The following MACROD1 variants were observed in gnomAD, a reference collection of about 807,000 sequenced individuals.
MACROD1 encodes the protein mono-ADP ribosylhydrolase 1.
In MACROD1, 31 loss-of-function variants were observed where a neutral mutation model predicts 41.4. The ratio of observed to expected loss-of-function variants is 0.75; its 90% CI spans 0.56 to 1.01. MACROD1 has a LOEUF of 1.01. Among genes scored for constraint, MACROD1 ranks in the 50% least tolerant of loss-of-function variants. The pLI is 0.00. For missense variants in MACROD1, 473 were observed against 460.0 expected, an observed-to-expected ratio of 1.03 and a Z score of -0.26; for synonymous variants, 252 against 203.4, an observed-to-expected ratio of 1.24 and a Z score of -2.03.
intron 8 of MACROD1, 111 bp downstream of exon 8, chr11:63,999,220 G>T: frequency 7.0e-7 from 1 of 1,419,482 alleles, no homozygotes; most frequent in Non-Finnish European, 9.6e-7. Flanking sequence ...AACAGGGAAG[G>T]AAGGGGCGGG....
chr11:64,051,425 T>C (rs1426785888), intron 3 of MACROD1, among the ~76,000 whole-genome samples: 2 of 152,154 alleles, frequency 1.3e-5, no homozygotes, highest in East Asian at 3.8e-4. Flanking sequence ...GTGACAGTGA[T>C]GGCGGACCCA....
At chr11:64,075,790 A>C (rs922012491) in intron 3 of MACROD1, among the ~76,000 whole-genome samples, 27 of 152,226 alleles carry the variant, frequency 1.8e-4, no homozygotes, top group Non-Finnish European at 2.9e-5. Flanking sequence ...CTCCTGCCTC[A>C]GCCTCCCAAG....
intron 3 of MACROD1, among the ~76,000 whole-genome samples, chr11:64,128,739 G>A (rs1204764747): frequency 6.6e-6 from 1 of 151,958 alleles, no homozygotes; most frequent in Non-Finnish European, 1.5e-5. Flanking sequence ...GGTTTCCCAC[G>A]CCTCTGCTGG....
intron 3 of MACROD1, among the ~76,000 whole-genome samples, chr11:64,086,024 T>C (rs951684594): frequency 2.2e-4 from 27 of 120,836 alleles, no homozygotes; most frequent in Admixed American, 8.4e-4. Flanking sequence ...AGGGTGGGGG[T>C]GGAGGTGGCC....
chr11:64,049,379 T>C (rs2134407924), intron 3 of MACROD1, among the ~76,000 whole-genome samples: 1 of 152,330 alleles, frequency 6.6e-6, no homozygotes, highest in African/African-American at 2.4e-5. Flanking sequence ...CGGCCAGTCC[T>C]GGGCAGGGAG....
intron 4 of MACROD1, among the ~76,000 whole-genome samples, chr11:64,012,152 G>A (rs577835538): frequency 2.0e-5 from 3 of 152,294 alleles, no homozygotes; most frequent in Non-Finnish European, 4.4e-5. Flanking sequence ...CATCAGTCAG[G>A]TTGTGTGAGA....
chr11:64,039,752 G>T (rs865825020), intron 3 of MACROD1, among the ~76,000 whole-genome samples: 18 of 152,322 alleles, frequency 1.2e-4, no homozygotes, highest in Middle Eastern at 6.8e-3. Flanking sequence ...CGCTCCCCGG[G>T]GCCAGCGGCT....
At chr11:64,118,202 C>T (rs1260594330) in intron 3 of MACROD1, 4 of 1,613,280 alleles carry the variant, frequency 2.5e-6, no homozygotes, top group Non-Finnish European at 2.5e-6. Flanking sequence ...ACGGCAGCAG[C>T]CTCTGCAAGG....
chr11:64,123,512 G>T (rs1409241285), intron 3 of MACROD1, among the ~76,000 whole-genome samples: 2 of 135,754 alleles, frequency 1.5e-5, no homozygotes, highest in East Asian at 5.0e-4. Flanking sequence ...GCATAGCAGG[G>T]ACTTTCTGGG....
At chr11:64,132,254 G>A (rs1440741947) in intron 3 of MACROD1, among the ~76,000 whole-genome samples, 1 of 152,108 alleles carries the variant, frequency 6.6e-6, no homozygotes, top group African/African-American at 2.4e-5. Flanking sequence ...TGCTGGCTTT[G>A]GGGGGATTAA....
At chr11:64,149,151 G>T in intron 3 of MACROD1, 1 of 389,452 alleles carries the variant, frequency 2.6e-6, no homozygotes, top group Non-Finnish European at 3.5e-6. Flanking sequence ...GGCACCGCTG[G>T]GACAGGGGTG....
intron 3 of MACROD1, among the ~76,000 whole-genome samples, chr11:64,140,157 G>T (rs2097779386): frequency 6.6e-6 from 1 of 152,200 alleles, no homozygotes; most frequent in Non-Finnish European, 1.5e-5. Context: ...GCAGATGGCA[G>T]CCAGGCCCTG....
Position 64,099,193 on chromosome 11 carries a change from T to A in MACROD1, c.517+52046A>T, listed in dbSNP as rs550774214. On this transcript the variant is annotated intron_variant, in intron 3 of 10. Transcript: ENST00000255681. ...AGTACCCCAGAACCACAGCACAGCG[T>A]CATCTTCTCCAAGAAGCCTCCATGA... Among the ~76,000 whole-genome samples the A allele has an allele frequency of 2.0e-5, 3 of 152,338 alleles. No homozygotes were observed. The South Asian group carries it at 6.2e-4, about 32-fold the overall frequency.
chr11:64,093,086 C>G (rs937151587), intron 3 of MACROD1, among the ~76,000 whole-genome samples: 1 of 152,152 alleles, frequency 6.6e-6, no homozygotes, highest in Non-Finnish European at 1.5e-5. Flanking sequence ...GAGCAGACCC[C>G]CTGTGGGACC....
chr11:64,000,768 T>C (rs1351623177), intron 4 of MACROD1, among the ~76,000 whole-genome samples: 2 of 151,644 alleles, frequency 1.3e-5, no homozygotes, highest in Non-Finnish European at 1.5e-5. Flanking sequence ...CCGCGACCAG[T>C]CGCTGCCTCC....
chr11:64,066,114 T>C (rs1194794643), intron 3 of MACROD1, among the ~76,000 whole-genome samples: 1 of 151,334 alleles, frequency 6.6e-6, no homozygotes, highest in East Asian at 2.0e-4. Context: ...TTGGCCAACA[T>C]GGTGAAACCC....
intron 3 of MACROD1, among the ~76,000 whole-genome samples, chr11:64,040,215 G>C (rs1346631848): frequency 6.6e-6 from 1 of 152,058 alleles, no homozygotes; most frequent in African/African-American, 2.4e-5. Context: ...CCTTGGCTCT[G>C]AAGGCGCAAA....
chr11:64,105,683 G>A (rs1045439016), intron 3 of MACROD1, among the ~76,000 whole-genome samples: 2 of 152,210 alleles, frequency 1.3e-5, no homozygotes, highest in African/African-American at 4.8e-5. Flanking sequence ...AGACATGCTG[G>A]TGGAGAAGAG....
intron 4 of MACROD1, 93 bp from the exon 5 acceptor site, chr11:64,000,436 A>T (rs1942803354): frequency 1.2e-6 from 1 of 815,738 alleles, no homozygotes. Flanking sequence ...CGGCGATGCG[A>T]GGACCCATGC....
Sources: gnomAD v4.1 joint callset for allele counts (sites outside exome capture counted in the v4.1 genomes callset) on GRCh38, gnomAD v4.1.1 for gene constraint, MANE v1.5 for transcripts, NCBI Gene and HGNC (gene_info 2026-07-23, HGNC 2026-07-21) for gene names.